The following TTLL4 variants were observed in gnomAD, a reference collection of about 807,000 sequenced individuals.
TTLL4 encodes the protein tubulin tyrosine ligase like 4, also known as tubulin monoglutamylase TTLL4.
Under a neutral mutation model 122.7 loss-of-function variants are expected in TTLL4, and 85 were observed. That is an observed-to-expected ratio of 0.69 (90% CI 0.58 to 0.83). The LOEUF is 0.83. Ranked by LOEUF, TTLL4 falls within the 40% of genes least tolerant of loss-of-function variation. TTLL4 has a pLI of 0.00. For synonymous variants in TTLL4, 553 were observed against 563.0 expected (o/e 0.98, Z 0.25); for missense variants, 1,363 against 1,488.6 (o/e 0.92, Z 1.39).
chr2:218,719,404 G>A (rs1045776866), intron 1 of TTLL4, among the ~76,000 whole-genome samples: 4 of 152,128 alleles, frequency 2.6e-5, no homozygotes, highest in African/African-American at 9.7e-5. Flanking sequence ...GTCTTGAGCT[G>A]GGTCTGGAAA....
downstream of TTLL4, among the ~76,000 whole-genome samples, chr2:218,758,918 T>C (rs904365027): frequency 2.0e-5 from 3 of 152,212 alleles, no homozygotes; most frequent in Non-Finnish European, 4.4e-5. Context: ...AATTGTGATA[T>C]CTCTGTTCAG....
Position 218,751,894 on chromosome 2 carries a change from TTTTTCTTTTCTTTTTC to T in TTLL4, c.2976+93_2976+108del, listed in dbSNP as rs1466624464. On this transcript the variant is annotated intron_variant, in intron 16 of 19. Transcript: ENST00000392102. ...CAAAAGCAAACAGCTTTTCTTTTTT[TTTTTCTTTTCTTTTTC>T]TTTTTTTTTTTTTTGAGATAGAGTT... 1.8e-4 allele frequency: 158 copies of T among 867,482 alleles called. 2 individuals carry two copies. The highest frequency in any genetic ancestry group is 4.8e-4 in the Middle Eastern group (2 of 4,148). The allele number at this position is 867,482 out of a possible 1,614,324, so 53.7% of individuals were successfully genotyped here. A position where few individuals can be genotyped will look rare whatever the true frequency, so the allele number is the denominator to read the frequency against.
chr2:218,719,282 C>G (rs1941963022), intron 1 of TTLL4, among the ~76,000 whole-genome samples: 1 of 151,996 alleles, frequency 6.6e-6, no homozygotes, highest in Non-Finnish European at 1.5e-5. Flanking sequence ...CTATAAAAGC[C>G]ATCATGAAGC....
intron 14 of TTLL4, 48 bp from the exon 15 acceptor site, chr2:218,749,961 C>T (rs746619608): frequency 1.2e-6 from 2 of 1,601,214 alleles, no homozygotes; most frequent in Non-Finnish European, 1.7e-6. Flanking sequence ...TGACCAGAGA[C>T]TGTTTCGGAG....
At chr2:218,753,092 A>G in intron 17 of TTLL4, 23 bp from the exon 18 acceptor site, 1 of 1,614,026 alleles carries the variant, frequency 6.2e-7, no homozygotes, top group Admixed American at 1.7e-5. Flanking sequence ...CTTAAACCCC[A>G]ACTCCTGCTA....
At chr2:218,722,102 C>T (rs1186295673) in intron 1 of TTLL4, among the ~76,000 whole-genome samples, 2 of 152,012 alleles carry the variant, frequency 1.3e-5, no homozygotes, top group East Asian at 1.9e-4. Flanking sequence ...GGCAAGATAG[C>T]AAGACCTTAT....
rs879049551 is a variant in TTLL4, at chr2:218,751,904, C to CTTTTT, written c.2976+99_2976+103dup. The CTTTTT allele has an allele frequency of 2.8e-4, 149 of 529,002 alleles. 3 individuals carry two copies. The highest frequency in any genetic ancestry group is 2.1e-3 in the African/African-American group (78 of 37,752). 32.8% of individuals were successfully genotyped at this position (529,002 alleles called of 1,614,324 possible). On this transcript the variant is annotated intron_variant, in intron 16 of 19. Transcript: ENST00000392102. ...CAGCTTTTCTTTTTTTTTTTCTTTT[C>CTTTTT]TTTTTCTTTTTTTTTTTTTTGAGAT...
At chr2:218,749,414 C>A in intron 14 of TTLL4, 27 bp downstream of exon 14, 1 of 1,612,034 alleles carries the variant, frequency 6.2e-7, no homozygotes, top group South Asian at 1.1e-5. Context: ...GGACACTCAC[C>A]ATAGAATCCT....
intron 1 of TTLL4, among the ~76,000 whole-genome samples, chr2:218,711,886 T>TTTTTTTTTTTTTTTTTTTTTTTTTG (rs1357357418): frequency 6.6e-6 from 1 of 150,788 alleles, no homozygotes; most frequent in Non-Finnish European, 1.5e-5. Flanking sequence ...ACCTATTCTT[T>TTTTTTTTTTTTTTTTTTTTTTTTTG]AACTGCAGCA....
In TTLL4 at chr2:218,723,015, A is replaced by G. The variant is rs184402594; in HGVS notation, c.-177-4254A>G. On this transcript the variant is annotated intron_variant, in intron 1 of 19. Coordinates refer to ENST00000392102, the MANE Select transcript of TTLL4 (RefSeq NM_014640.5). ...TTTTTATTGAAGTCTTCTTTGTGCA[A>G]TTACAGCTTATTTCTTGGCCCTGAC... Among the ~76,000 whole-genome samples, 383 of 152,296 alleles carry G rather than the reference A, an allele frequency of 2.5e-3. 2 individuals carry two copies. Among genetic ancestry groups the G allele is most frequent in the African/African-American group, 8.6e-3 (358 of 41,574 alleles).
At chr2:218,715,626 T>C (rs1371505853) in intron 1 of TTLL4, among the ~76,000 whole-genome samples, 1 of 152,022 alleles carries the variant, frequency 6.6e-6, no homozygotes, top group Non-Finnish European at 1.5e-5. Flanking sequence ...TAAGGAATGA[T>C]AATCTTTTTT....
chr2:218,746,057 C>T, intron 7 of TTLL4, 98 bp from the exon 8 acceptor site: 2 of 1,449,362 alleles, frequency 1.4e-6, no homozygotes, highest in South Asian at 2.3e-5. Context: ...CTTTGAAAAC[C>T]AAGTCTGGGA....
chr2:218,738,005 A>T lies in TTLL4; in HGVS notation c.329A>T (p.Asp110Val). The T allele has an allele frequency of 6.2e-7, 1 of 1,614,060 alleles. No homozygotes were observed. The change falls in exon 3 of 20, where the codon GAC becomes GTC. Residue 110 changes from aspartate to valine, a missense_variant. Physicochemically the swap from Asp to Val is radical, Grantham distance 152. Transcript: ENST00000392102. ...SSSCYLHSLPDLFNSTLLYRR... is the reference protein window; with the variant it reads ...SSSCYLHSLPVLFNSTLLYRR... ...TCCTGTTACCTACACTCTCTCCCGGACTTGTTCAACAGCACCCTGCTATAC... is the reference window on the plus strand; with the variant it reads ...TCCTGTTACCTACACTCTCTCCCGGTCTTGTTCAACAGCACCCTGCTATAC...
intron 2 of TTLL4, among the ~76,000 whole-genome samples, chr2:218,734,644 C>CA (rs1190327444): frequency 2.6e-5 from 4 of 152,134 alleles, no homozygotes; most frequent in Non-Finnish European, 5.9e-5. Context: ...ACGTGGGAAT[C>CA]AATAGTGGGG....
Position 218,738,385 on chromosome 2 carries a change from C to A in TTLL4, c.709C>A (p.Gln237Lys). The change falls in exon 3 of 20, where the codon CAG becomes AAG. Residue 237 changes from glutamine (Q) to lysine (K), a missense_variant. Physicochemically the swap from Gln to Lys is moderately conservative, Grantham distance 53. Coordinates refer to ENST00000392102, the MANE Select transcript of TTLL4 (RefSeq NM_014640.5). Reference sequence around the variant, plus strand: ...GCCAGTGCCTTTATTGCAGACCACACAGGGCCTGAAGCCAGTATCGCCACC... The same window carrying A: ...GCCAGTGCCTTTATTGCAGACCACAAAGGGCCTGAAGCCAGTATCGCCACC... ...STPVPLLQTT[Q>K]GLKPVSPPKI... The A allele has an allele frequency of 6.2e-7, 1 of 1,614,172 alleles. No homozygotes were observed. The highest frequency in any genetic ancestry group is 8.5e-7 in the Non-Finnish European group (1 of 1,180,046).
chr2:218,716,738 G>A (rs751444986), intron 1 of TTLL4, among the ~76,000 whole-genome samples: 2 of 152,070 alleles, frequency 1.3e-5, no homozygotes, highest in African/African-American at 4.8e-5. Context: ...GCAGTGAGCC[G>A]AGATCGTGCC....
chr2:218,740,116 G>A lies in TTLL4; in HGVS notation c.1546G>A (p.Val516Ile). The part of the protein sequence containing the change: ...AETEDTEEEL[V>I]DGLEDCCSRD... ...GACTGAAGATACAGAAGAAGAACTAGTAGATGGTTTGGAAGACTGTTGTAG... is the reference window on the plus strand; with the variant it reads ...GACTGAAGATACAGAAGAAGAACTAATAGATGGTTTGGAAGACTGTTGTAG... Residue 516 changes from valine (V) to isoleucine (I), a missense_variant, in exon 4 of 20, where the codon GTA becomes ATA. By Grantham distance (29) the Val-to-Ile change is conservative. Transcript: ENST00000392102. 1 of 1,614,210 alleles carries A rather than the reference G, an allele frequency of 6.2e-7. No homozygotes were observed. Among genetic ancestry groups the A allele is most frequent in the Non-Finnish European group, 8.5e-7 (1 of 1,180,042 alleles).
In TTLL4 at chr2:218,720,848, A is replaced by C. The variant is rs1024736233; in HGVS notation, c.-177-6421A>C. 1.2e-4 allele frequency among the ~76,000 whole-genome samples: 18 copies of C among 152,274 alleles called. 1 individual carries two copies. The highest frequency in any genetic ancestry group is 4.3e-4 in the African/African-American group (18 of 41,550). ...TGGGAGGCTGATTGCCGAGAGAACCAACCATGTGATTAGAGGGTTGGAACT... is the reference window on the plus strand; with the variant it reads ...TGGGAGGCTGATTGCCGAGAGAACCCACCATGTGATTAGAGGGTTGGAACT... On this transcript the variant is annotated intron_variant, in intron 1 of 19. Coordinates refer to ENST00000392102, the MANE Select transcript of TTLL4 (RefSeq NM_014640.5).
Position 218,738,529 on chromosome 2 carries a change from A to G in TTLL4, c.853A>G (p.Ile285Val). The G allele has an allele frequency of 1.9e-6, 3 of 1,614,146 alleles. No individual in the cohort carries two copies. The highest frequency in any genetic ancestry group is 2.5e-6 in the Non-Finnish European group (3 of 1,180,020). ...TGTCCCAGCTGATGCCAGTGCCCAT[A>G]TCGCCTTGTCTACCGCTAGCTCCCA... ...GTVPADASAH[I>V]ALSTASSHDT... Residue 285 changes from isoleucine to valine, a missense_variant, in exon 3 of 20, where the codon ATC becomes GTC. Physicochemically the swap from Ile to Val is conservative, Grantham distance 29. This residue lies in a region of TTLL4 where 760 missense variants were observed against 808.4 expected (regional missense o/e 0.94). Transcript: ENST00000392102.
Sources: allele counts gnomAD v4.1 joint callset (sites outside exome capture counted in the v4.1 genomes callset), GRCh38; gene constraint gnomAD v4.1.1; regional missense constraint gnomAD v4.1.1; transcripts MANE v1.5; gene names NCBI Gene and HGNC (gene_info 2026-07-23, HGNC 2026-07-21).